The following FOSL2 variants were observed in gnomAD, a reference collection of about 807,000 sequenced individuals.
FOSL2 encodes the protein FOS like 2, AP-1 transcription factor subunit.
A neutral mutation model predicts 27.7 loss-of-function variants in FOSL2; 3 were observed. The ratio of observed to expected loss-of-function variants is 0.11; its 90% CI spans 0.05 to 0.28. The LOEUF (loss-of-function observed/expected upper bound fraction) is 0.28, where lower values mean the gene tolerates loss of function less well. Among genes scored for constraint, FOSL2 ranks in the 10% least tolerant of loss-of-function variants. The pLI is 1.00. For synonymous variants in FOSL2, 179 were observed against 190.1 expected (o/e 0.94, Z 0.48); for missense variants, 333 against 445.1 (o/e 0.75, Z 2.27).
chr2:28,396,809 C>CACACACACACACACAA (rs1663849837), intron 1 of FOSL2: 8 of 150,520 alleles, frequency 5.3e-5, no homozygotes, highest in African/African-American at 2.0e-4. Flanking sequence ...CACACACACA[C>CACACACACACACACAA]ACACACACAC....
chr2:28,400,753 G>A (rs188416595), intron 1 of FOSL2, among the ~76,000 whole-genome samples: 8 of 152,344 alleles, frequency 5.3e-5, no homozygotes, highest in African/African-American at 1.4e-4. Flanking sequence ...TCTGGCTGAT[G>A]TATACCGGGG....
At chr2:28,405,601 G>A (rs954940407) in intron 2 of FOSL2, among the ~76,000 whole-genome samples, 83 of 152,158 alleles carry the variant, frequency 5.5e-4, no homozygotes, top group Admixed American at 5.3e-3. Context: ...TGGAATTACA[G>A]GGATCACCAC....
Position 28,408,919 on chromosome 2 carries a change from C to A in FOSL2, c.462+53C>A. 2.4e-6 allele frequency: 3 copies of A among 1,253,984 alleles called. No individual in the cohort carries two copies. Among genetic ancestry groups the A allele is most frequent in the Non-Finnish European group, 3.3e-6 (3 of 897,094 alleles). 77.7% of individuals were successfully genotyped at this position (1,253,984 alleles called of 1,614,324 possible). On this transcript the variant is annotated intron_variant, in intron 3 of 3. Coordinates refer to ENST00000264716, the MANE Select transcript of FOSL2 (RefSeq NM_005253.4). This position sits in a 1 kb window ranked among gnomAD's most constrained non-coding sequence, Gnocchi z 4.1. ...ACCTCTGGGTGGGCTGGAGTGAGAG[C>A]CCCGGGGGTCCTGATCCTCTCTCCC...
In FOSL2 at chr2:28,393,789, C is replaced by G. The variant is rs756287932; in HGVS notation, c.69C>G (p.Ala23=). The part of the protein sequence containing the change: ...SRGSSGSPAH[A]ESYSSGGGGQ... ...GCAGCAGCGGCTCTCCTGCGCACGC[C>G]GAGTCCTACTCCAGCGGCGGCGGCG... is the stretch of plus-strand genomic sequence containing the variant. The change falls in exon 1 of 4, where the codon GCC becomes GCG. Residue 23 remains alanine (A), a synonymous_variant. Coordinates refer to ENST00000264716, the MANE Select transcript of FOSL2 (RefSeq NM_005253.4). This position sits in a 1 kb window ranked among gnomAD's most constrained non-coding sequence, Gnocchi z 4.6. 2.5e-6 allele frequency: 4 copies of G among 1,606,792 alleles called. No homozygotes were observed. The South Asian group carries it at 3.3e-5, about 13-fold the overall frequency.
In FOSL2 at chr2:28,408,981, A is replaced by C; in HGVS notation, c.462+115A>C. The C allele has an allele frequency of 1.6e-6, 1 of 615,372 alleles. No individual in the cohort carries two copies. The highest frequency in any genetic ancestry group is 2.8e-6 in the Non-Finnish European group (1 of 358,230). 38.1% of individuals were successfully genotyped at this position (615,372 alleles called of 1,614,324 possible). ...CTTACCCACAAATGCCCTACAGATG[A>C]GTCAGTGGAGATAGAGCTTTCCTTC... On this transcript the variant is annotated intron_variant, in intron 3 of 3. Coordinates refer to ENST00000264716, the MANE Select transcript of FOSL2 (RefSeq NM_005253.4). The surrounding 1 kb of genome is among the most constrained non-coding windows in gnomAD (Gnocchi z 4.1).
rs78773334 is a variant in FOSL2 at position 28,399,187 on chromosome 2, C to G, written c.103-4920C>G. Among the ~76,000 whole-genome samples the G allele has an allele frequency of 3.8e-4, 58 of 152,332 alleles. No individual in the cohort carries two copies. The East Asian group carries it at 6.0e-3, about 16-fold the overall frequency. On this transcript the variant is annotated intron_variant, in intron 1 of 3. Coordinates refer to ENST00000264716, the MANE Select transcript of FOSL2 (RefSeq NM_005253.4). ...CTTGATAACCCAGACAAAAATCTAT[C>G]TGATGGAGAATCGCCTGGCCAAGGG... is the stretch of plus-strand genomic sequence containing the variant.
chr2:28,393,752 C>T lies in FOSL2; in HGVS notation c.32C>T (p.Thr11Ile). ...CAGGATTATCCCGGGAACTTTGACA[C>T]CTCGTCCCGGGGCAGCAGCGGCTCT... MYQDYPGNFD[T>I]SSRGSSGSPA... Residue 11 changes from threonine (T) to isoleucine (I), a missense_variant, in exon 1 of 4, where the codon ACC (threonine) becomes ATC (isoleucine). Coordinates refer to ENST00000264716, the MANE Select transcript of FOSL2 (RefSeq NM_005253.4). The surrounding 1 kb of genome is among the most constrained non-coding windows in gnomAD (Gnocchi z 4.6). The T allele has an allele frequency of 6.2e-7, 1 of 1,610,400 alleles. No individual in the cohort carries two copies. The highest frequency in any genetic ancestry group is 8.5e-7 in the Non-Finnish European group (1 of 1,178,646).
rs1031154242 is a variant in FOSL2 at position 28,416,560 on chromosome 2, T to G, written c.*4112T>G. 1 of 151,914 alleles carries G rather than the reference T, an allele frequency of 6.6e-6. No individual in the cohort carries two copies. Among genetic ancestry groups the G allele is most frequent in the African/African-American group, 2.4e-5 (1 of 41,364 alleles). 9.4% of individuals were successfully genotyped at this position (151,914 alleles called of 1,614,324 possible). A position where few individuals can be genotyped will look rare whatever the true frequency, so the allele number is the denominator to read the frequency against. ...TAAACTGTATAAAAGGTTCTGTTTT[T>G]AAAGGTGGATTTTCATTCCTCTGGG... On this transcript the variant is annotated 3_prime_UTR_variant, in exon 4 of 4. Coordinates refer to ENST00000264716, the MANE Select transcript of FOSL2 (RefSeq NM_005253.4).
chr2:28,414,108 T>C lies in FOSL2; in HGVS notation c.*1660T>C, dbSNP rs991645221. ...GAACCAGCCTCTGCGGGGCTTGTGC[T>C]CTGCAAAGACTCTGCTGCTGGGGAT... On this transcript the variant is annotated 3_prime_UTR_variant, in exon 4 of 4. Transcript: ENST00000264716. 1.7e-5 allele frequency: 6 copies of C among 345,302 alleles called. No homozygotes were observed. The Admixed American group carries it at 1.9e-4, about 11-fold the overall frequency. The allele number at this position is 345,302 out of a possible 1,614,324, so 21.4% of individuals were successfully genotyped here. A position where few individuals can be genotyped will look rare whatever the true frequency, so the allele number is the denominator to read the frequency against.
At chr2:28,410,145 C>T (rs1216594786) in intron 3 of FOSL2, among the ~76,000 whole-genome samples, 7 of 152,202 alleles carry the variant, frequency 4.6e-5, no homozygotes, top group Non-Finnish European at 8.8e-5. Context: ...AATTGAATTG[C>T]GTGAATTCTG....
At chr2:28,399,618 G>A (rs753651265) in intron 1 of FOSL2, among the ~76,000 whole-genome samples, 19 of 152,292 alleles carry the variant, frequency 1.2e-4, no homozygotes, top group Admixed American at 2.0e-4. Flanking sequence ...GGGTTTGAAC[G>A]TCGGCTCAGG....
Position 28,404,494 on chromosome 2 carries a change from C to T in FOSL2, c.354+136C>T, listed in dbSNP as rs1664038832. The T allele has an allele frequency of 6.4e-6, 7 of 1,097,862 alleles. No individual in the cohort carries two copies. The South Asian group carries it at 7.8e-5, about 12-fold the overall frequency. The allele number at this position is 1,097,862 out of a possible 1,614,324, so 68.0% of individuals were successfully genotyped here. A position where few individuals can be genotyped will look rare whatever the true frequency, so the allele number is the denominator to read the frequency against. On this transcript the variant is annotated intron_variant, in intron 2 of 3. Coordinates refer to ENST00000264716, the MANE Select transcript of FOSL2 (RefSeq NM_005253.4). This position sits in a 1 kb window ranked among gnomAD's most constrained non-coding sequence, Gnocchi z 4.7. ...CAAGGGAGCTAGGGGTCGAAGAGCACGTCATCCCCCTTACTGGAGGCCGAG... is the reference window on the plus strand; with the variant it reads ...CAAGGGAGCTAGGGGTCGAAGAGCATGTCATCCCCCTTACTGGAGGCCGAG...
chr2:28,411,218 G>C (rs1029493613), intron 3 of FOSL2, among the ~76,000 whole-genome samples: 3 of 152,082 alleles, frequency 2.0e-5, no homozygotes, highest in African/African-American at 7.2e-5. Context: ...ATCCCACAGG[G>C]ATTTGCTGAG....
Position 28,393,161 on chromosome 2 carries a change from T to G in FOSL2, c.-560T>G. ...CACGCCGCCTTCTCCTAGTCAAGTA[T>G]CCGAGCCGCCCCGAAACTCGGGCGG... On this transcript the variant is annotated 5_prime_UTR_variant, in exon 1 of 4. Coordinates refer to ENST00000264716, the MANE Select transcript of FOSL2 (RefSeq NM_005253.4). This position sits in a 1 kb window ranked among gnomAD's most constrained non-coding sequence, Gnocchi z 4.6. 3.6e-6 allele frequency: 1 copy of G among 274,970 alleles called. No individual in the cohort carries two copies. The allele number at this position is 274,970 out of a possible 1,614,324, so 17.0% of individuals were successfully genotyped here.
At chr2:28,394,137 G>GGGGCCCC (rs1663750381) in intron 1 of FOSL2, among the ~76,000 whole-genome samples, 1 of 80,862 alleles carries the variant, frequency 1.2e-5, no homozygotes. Context: ...CCCAGTGTCT[G>GGGGCCCC]CCCCCCCCCC....
rs1487546749 is a variant in FOSL2 at position 28,414,683 on chromosome 2, C to T, written c.*2235C>T. The T allele has an allele frequency of 1.3e-5, 2 of 152,170 alleles. No individual in the cohort carries two copies. The highest frequency in any genetic ancestry group is 2.9e-5 in the Non-Finnish European group (2 of 68,030). 9.4% of individuals were successfully genotyped at this position (152,170 alleles called of 1,614,324 possible). ...CTTGTCTTTTATTTCTAAAAGCCCC[C>T]TTATACCCCACTTTGTGCAGCAAAG... On this transcript the variant is annotated 3_prime_UTR_variant, in exon 4 of 4. Coordinates refer to ENST00000264716, the MANE Select transcript of FOSL2 (RefSeq NM_005253.4).
At position 28,393,840 on chromosome 2, in the gene FOSL2, T is replaced by C. The variant is rs1323362664; in HGVS notation, c.102+18T>C. 1.3e-6 allele frequency: 2 copies of C among 1,559,780 alleles called. No homozygotes were observed. The highest frequency in any genetic ancestry group is 1.7e-6 in the Non-Finnish European group (2 of 1,147,318). On this transcript the variant is annotated intron_variant, in intron 1 of 3. Transcript: ENST00000264716. The surrounding 1 kb of genome is among the most constrained non-coding windows in gnomAD (Gnocchi z 4.6). ...GCCAGCAGGTAGGTGCGGGCCCCGG[T>C]GCACCTGGCGGCGCGGGCGGACCCC...
At chr2:28,395,714 A>G (rs1293491120) in intron 1 of FOSL2, 1 of 152,258 alleles carries the variant, frequency 6.6e-6, no homozygotes, top group Non-Finnish European at 1.5e-5. Flanking sequence ...GGTTTCGCAT[A>G]GACGCCTGCC....
At chr2:28,405,526 C>G (rs1450241359) in intron 2 of FOSL2, among the ~76,000 whole-genome samples, 1 of 152,228 alleles carries the variant, frequency 6.6e-6, no homozygotes, top group East Asian at 1.9e-4. Context: ...CCACAATGTT[C>G]CAATATACGG....
Sources: allele counts gnomAD v4.1 joint callset (sites outside exome capture counted in the v4.1 genomes callset), GRCh38; gene constraint gnomAD v4.1.1; non-coding constraint Gnocchi (gnomAD v3.1); transcripts MANE v1.5; gene names NCBI Gene and HGNC (gene_info 2026-07-23, HGNC 2026-07-21).